MED15: variants seen among roughly 807,000 people sequenced by gnomAD.
MED15 encodes the protein mediator of RNA polymerase II transcription subunit 15.
Under a neutral mutation model 118.7 loss-of-function variants are expected in MED15, and 41 were observed. The observed-to-expected ratio is 0.35, with a 90% CI of 0.27 to 0.45. The LOEUF is 0.45. Among genes scored for constraint, MED15 ranks in the 20% least tolerant of loss-of-function variants. The pLI is 1.00. For synonymous variants in MED15, 436 were observed against 413.9 expected (o/e 1.05, Z -0.65); for missense variants, 740 against 1,025.5 (o/e 0.72, Z 3.80).
intron 5 of MED15, among the ~76,000 whole-genome samples, chr22:20,560,012 GA>G (rs1304562942): frequency 6.6e-6 from 1 of 152,088 alleles, no homozygotes; most frequent in Non-Finnish European, 1.5e-5. Flanking sequence ...ACAATGTCTG[GA>G]GACATTTTGG....
intron 1 of MED15, among the ~76,000 whole-genome samples, chr22:20,532,690 C>T (rs1187748437): frequency 6.6e-6 from 1 of 152,186 alleles, no homozygotes; most frequent in Non-Finnish European, 1.5e-5. Context: ...CTAGAGCGAG[C>T]ACCACCCAGG....
chr22:20,580,222 C>G (rs1867578465), intron 9 of MED15, among the ~76,000 whole-genome samples: 1 of 152,142 alleles, frequency 6.6e-6, no homozygotes, highest in Admixed American at 6.5e-5. Flanking sequence ...TTGGAGGCCC[C>G]ACGGGCGTGG....
At chr22:20,533,443 G>A (rs2054932043) in intron 1 of MED15, among the ~76,000 whole-genome samples, 1 of 152,200 alleles carries the variant, frequency 6.6e-6, no homozygotes, top group Admixed American at 6.5e-5. Flanking sequence ...ACAGTTGTCA[G>A]AACTGCAAAA....
At chr22:20,571,231 C>T (rs765108516) in intron 8 of MED15, among the ~76,000 whole-genome samples, 1 of 152,260 alleles carries the variant, frequency 6.6e-6, no homozygotes, top group Non-Finnish European at 1.5e-5. Context: ...AGCAGGATGC[C>T]AGCTGTGTGT....
chr22:20,562,382 A>G (rs571391808), intron 5 of MED15, among the ~76,000 whole-genome samples: 48 of 150,348 alleles, frequency 3.2e-4, no homozygotes, highest in Admixed American at 3.0e-3. Context: ...GTATTGTCAT[A>G]CTTTTTGTTG....
intron 6 of MED15, among the ~76,000 whole-genome samples, chr22:20,565,122 CAAAAAA>C (rs922028448): frequency 6.6e-6 from 1 of 151,594 alleles, no homozygotes; most frequent in East Asian, 1.9e-4. Context: ...GACTCCGTCT[CAAAAAA>C]AATAAAAATA....
intron 6 of MED15, among the ~76,000 whole-genome samples, chr22:20,566,154 C>T (rs2056431683): frequency 6.6e-6 from 1 of 151,874 alleles, no homozygotes; most frequent in Admixed American, 6.6e-5. Flanking sequence ...ATTCTCCTGC[C>T]TCAGCCTCCC....
intron 1 of MED15, among the ~76,000 whole-genome samples, chr22:20,527,834 G>A (rs572005974): frequency 6.6e-6 from 1 of 151,848 alleles, no homozygotes; most frequent in Non-Finnish European, 1.5e-5. Context: ...GCGCGCGCCT[G>A]TAGTCCCAGC....
chr22:20,552,870 GC>G (rs1254560186), intron 3 of MED15, among the ~76,000 whole-genome samples: 1 of 152,192 alleles, frequency 6.6e-6, no homozygotes, highest in Non-Finnish European at 1.5e-5. Flanking sequence ...GCCAGAGTAG[GC>G]CCAGGGTCCC....
At chr22:20,568,029 T>G (rs12484645) in intron 7 of MED15, among the ~76,000 whole-genome samples, 1 of 152,144 alleles carries the variant, frequency 6.6e-6, no homozygotes. Flanking sequence ...TTTGTAGATA[T>G]GGGGTTTGGC....
chr22:20,522,564 G>A (rs1415596326), intron 1 of MED15, among the ~76,000 whole-genome samples: 2 of 152,164 alleles, frequency 1.3e-5, no homozygotes, highest in South Asian at 2.1e-4. Context: ...GTGTGCATGC[G>A]TATATGAGCT....
chr22:20,578,344 A>G (rs1410015706), intron 9 of MED15, among the ~76,000 whole-genome samples: 1 of 152,174 alleles, frequency 6.6e-6, no homozygotes, highest in Non-Finnish European at 1.5e-5. Flanking sequence ...AAGCCTCCCT[A>G]CTGCCCAGGC....
chr22:20,515,795 A>T lies in MED15; in HGVS notation c.68+8049A>T, dbSNP rs371510503. 1.6e-3 allele frequency among the ~76,000 whole-genome samples: 250 copies of T among 151,908 alleles called. 4 individuals are homozygous for T. Among genetic ancestry groups the T allele is most frequent in the South Asian group, 0.015 (73 of 4,800 alleles). Reference sequence around the variant, plus strand: ...GTGAGACTCAGTCTCAAAAAAAAAAAATATATAGACCAACCTGGCCAAGAT... The same window carrying T: ...GTGAGACTCAGTCTCAAAAAAAAAATATATATAGACCAACCTGGCCAAGAT... On this transcript the variant is annotated intron_variant, in intron 1 of 17. Transcript: ENST00000263205.
intron 1 of MED15, among the ~76,000 whole-genome samples, chr22:20,511,035 A>G (rs2054046100): frequency 6.6e-6 from 1 of 152,146 alleles, no homozygotes; most frequent in Non-Finnish European, 1.5e-5. Flanking sequence ...GTTCACGTTG[A>G]AAGTCGTGAT....
chr22:20,539,827 T>A (rs2055222765), intron 2 of MED15, among the ~76,000 whole-genome samples: 1 of 152,250 alleles, frequency 6.6e-6, no homozygotes, highest in Non-Finnish European at 1.5e-5. Context: ...ACTAATGATG[T>A]TGAGCATCTT....
intron 2 of MED15, among the ~76,000 whole-genome samples, chr22:20,548,590 T>G (rs1414241766): frequency 6.6e-6 from 1 of 152,240 alleles, no homozygotes; most frequent in East Asian, 1.9e-4. Context: ...GTTGTCGATT[T>G]TCAATTTTGG....
intron 5 of MED15, among the ~76,000 whole-genome samples, chr22:20,556,396 A>G (rs165752): frequency 0.45 from 67,812 of 150,970 alleles, 15,543 homozygotes; most frequent in African/African-American, 0.52. Flanking sequence ...CTGCCTTCCG[A>G]GTTCAAGCAG....
intron 9 of MED15, among the ~76,000 whole-genome samples, chr22:20,581,318 TTC>T (rs1348423835): frequency 6.6e-6 from 1 of 152,120 alleles, no homozygotes; most frequent in Non-Finnish European, 1.5e-5. Flanking sequence ...GAGGGCAGCA[TTC>T]TGTTTGTGGG....
At chr22:20,546,705 G>C (rs1046968351) in intron 2 of MED15, among the ~76,000 whole-genome samples, 5 of 151,962 alleles carry the variant, frequency 3.3e-5, no homozygotes, top group Non-Finnish European at 5.9e-5. Context: ...GGGGTGTTCT[G>C]GTCCATTGCT....
Sources: allele counts gnomAD v4.1 joint callset (sites outside exome capture counted in the v4.1 genomes callset), GRCh38; gene constraint gnomAD v4.1.1; transcripts MANE v1.5; gene names NCBI Gene and HGNC (gene_info 2026-07-23, HGNC 2026-07-21).